Variants in RBM25 observed in about 807,000 individuals in gnomAD.
RBM25 encodes the protein RNA binding motif protein 25.
In RBM25, 19 loss-of-function variants were observed where a neutral mutation model predicts 120.7. The ratio of observed to expected loss-of-function variants is 0.16; its 90% CI spans 0.11 to 0.23. The LOEUF (loss-of-function observed/expected upper bound fraction) is 0.23, where lower values mean the gene tolerates loss of function less well. RBM25 is among the 10% of genes least tolerant of loss of function. The probability of loss-of-function intolerance (pLI) is 1.00; values close to 1 mark genes in which losing one functional copy is unlikely to be tolerated. For synonymous variants in RBM25, 390 were observed against 326.7 expected, an observed-to-expected ratio of 1.19 and a Z score of -2.09; for missense variants, 605 against 1,041.5, an observed-to-expected ratio of 0.58 and a Z score of 5.77.
chr14:73,088,575 T>G, intron 6 of RBM25: 1 of 355,582 alleles, frequency 2.8e-6, no homozygotes, highest in South Asian at 2.2e-5. Flanking sequence ...ATTACTTGCC[T>G]TAGGTTGGGG....
chr14:73,072,060 C>T (rs1895307704), intron 2 of RBM25, among the ~76,000 whole-genome samples: 1 of 152,022 alleles, frequency 6.6e-6, no homozygotes, highest in South Asian at 2.1e-4. Context: ...GCAACCTCCA[C>T]CTCCTAGGCT....
At chr14:73,083,231 A>G (rs1409906511) in intron 4 of RBM25, among the ~76,000 whole-genome samples, 1 of 152,238 alleles carries the variant, frequency 6.6e-6, no homozygotes, top group Non-Finnish European at 1.5e-5. Flanking sequence ...TAGGATAAGT[A>G]GTGATGCGAA....
intron 5 of RBM25, among the ~76,000 whole-genome samples, chr14:73,084,989 G>GATTA (rs1313152188): frequency 1.3e-5 from 2 of 151,890 alleles, no homozygotes; most frequent in East Asian, 3.9e-4. Flanking sequence ...TGCCTAGATT[G>GATTA]ATTAATTCAT....
rs545361116 is a variant in RBM25 at position 73,075,230 on chromosome 14, C to T, written c.107-1089C>T. On this transcript the variant is annotated intron_variant, in intron 2 of 18. Transcript: ENST00000261973. ...AGGCTGGAGTGCAATGGTGTGATCT[C>T]GGCTCACTGCAACCTCTGCCTCCCG... is the stretch of plus-strand genomic sequence containing the variant. 2.6e-3 allele frequency among the ~76,000 whole-genome samples: 391 copies of T among 151,466 alleles called. 1 individual carries two copies. The highest frequency in any genetic ancestry group is 7.9e-3 in the African/African-American group (324 of 41,248).
At chr14:73,082,749 C>T (rs573108126) in intron 4 of RBM25, among the ~76,000 whole-genome samples, 8 of 151,866 alleles carry the variant, frequency 5.3e-5, no homozygotes, top group African/African-American at 1.5e-4. Flanking sequence ...TTTTGCATAC[C>T]GTATCAAGCG....
At chr14:73,117,553 A>G (rs1896461732) in intron 18 of RBM25, among the ~76,000 whole-genome samples, 1 of 152,032 alleles carries the variant, frequency 6.6e-6, no homozygotes, top group Admixed American at 6.5e-5. Context: ...TTTATTAAGC[A>G]CTTGTTATAT....
intron 1 of RBM25, chr14:73,068,635 C>T (rs1175842232): frequency 4.8e-6 from 2 of 420,446 alleles, no homozygotes. Context: ...ATCCCAAGCT[C>T]TCTGTCCAAA....
At chr14:73,118,964 T>G (rs1566604381) in intron 18 of RBM25, among the ~76,000 whole-genome samples, 1 of 152,056 alleles carries the variant, frequency 6.6e-6, no homozygotes, top group Admixed American at 6.5e-5. Context: ...AGATGGGGTT[T>G]CGTCATGTTG....
chr14:73,090,112 G>A (rs368872995), intron 6 of RBM25, among the ~76,000 whole-genome samples: 4 of 151,422 alleles, frequency 2.6e-5, no homozygotes, highest in East Asian at 1.9e-4. Context: ...GTGCAGTGGC[G>A]AAATCTTGGC....
chr14:73,093,046 G>C (rs1895854219), intron 6 of RBM25, among the ~76,000 whole-genome samples: 1 of 152,114 alleles, frequency 6.6e-6, no homozygotes, highest in South Asian at 2.1e-4. Flanking sequence ...TTTAGTTCAT[G>C]TCCTATTGCT....
Position 73,097,104 on chromosome 14 carries a change from T to A in RBM25, c.729+4T>A, listed in dbSNP as rs1895956307. On this transcript the variant is annotated splice_donor_region_variant and intron_variant, in intron 7 of 18. Transcript: ENST00000261973. The stretch of plus-strand genomic sequence containing the variant: ...GAAGAAGGAAAAGAAGGAGGACGTA[T>A]GTGTTCTGACAACAACATATCATTT... 6.2e-7 allele frequency: 1 copy of A among 1,605,638 alleles called. No individual in the cohort carries two copies. The highest frequency in any genetic ancestry group is 8.5e-7 in the Non-Finnish European group (1 of 1,176,416).
intron 9 of RBM25, chr14:73,100,220 A>G (rs1236696725): frequency 3.2e-6 from 2 of 620,012 alleles, no homozygotes; most frequent in African/African-American, 3.7e-5. Context: ...TGGTTACCAG[A>G]CTTACCAAAT....
intron 7 of RBM25, among the ~76,000 whole-genome samples, chr14:73,097,973 A>T (rs186130748): frequency 6.6e-6 from 1 of 152,208 alleles, no homozygotes; most frequent in Admixed American, 6.5e-5. Flanking sequence ...TTTTAAAAAT[A>T]CTGGAAGAAG....
At chr14:73,103,098 G>A in intron 9 of RBM25, 94 bp from the exon 10 acceptor site, 1 of 1,521,014 alleles carries the variant, frequency 6.6e-7, no homozygotes, top group East Asian at 2.3e-5. Context: ...CAGTGGTTTG[G>A]TGTTTTTGTT....
At chr14:73,097,349 C>T (rs899679543) in intron 7 of RBM25, among the ~76,000 whole-genome samples, 7 of 151,690 alleles carry the variant, frequency 4.6e-5, no homozygotes, top group Non-Finnish European at 8.8e-5. Flanking sequence ...TACAGGCATC[C>T]GCCACCATGC....
chr14:73,106,829 A>C (rs1402090146), intron 12 of RBM25, among the ~76,000 whole-genome samples: 1 of 151,152 alleles, frequency 6.6e-6, no homozygotes, highest in East Asian at 1.9e-4. Flanking sequence ...GTATACATAT[A>C]TATGTATATA....
intron 9 of RBM25, 63 bp from the exon 10 acceptor site, chr14:73,103,129 C>A: frequency 6.4e-7 from 1 of 1,553,164 alleles, no homozygotes; most frequent in South Asian, 1.3e-5. Context: ...GGCTTTGCGC[C>A]GGGAAAAATC....
At chr14:73,110,557 T>C (rs1896290549) in intron 14 of RBM25, among the ~76,000 whole-genome samples, 1 of 151,812 alleles carries the variant, frequency 6.6e-6, no homozygotes, top group South Asian at 2.1e-4. Context: ...GCCTCCTGAG[T>C]AGCTGGGATT....
At chr14:73,108,034 C>T (rs1896226049) in intron 13 of RBM25, 135 bp downstream of exon 13, 1 of 672,320 alleles carries the variant, frequency 1.5e-6, no homozygotes, top group South Asian at 1.9e-5. Context: ...ATTATTAATT[C>T]TATAGCTAAT....
Sources: allele counts gnomAD v4.1 joint callset (sites outside exome capture counted in the v4.1 genomes callset), GRCh38; gene constraint gnomAD v4.1.1; transcripts MANE v1.5; gene names NCBI Gene and HGNC (gene_info 2026-07-23, HGNC 2026-07-21).